Variants in PPP6R3 observed in about 807,000 individuals in gnomAD.
The protein encoded by PPP6R3 is protein phosphatase 6 regulatory subunit 3.
In PPP6R3, 38 loss-of-function variants were observed where a neutral mutation model predicts 110.7. The ratio of observed to expected loss-of-function variants is 0.34; its 90% CI spans 0.26 to 0.45. The LOEUF is 0.45. PPP6R3 is among the 20% of genes least tolerant of loss of function. The probability of loss-of-function intolerance (pLI) is 1.00; values close to 1 mark genes in which losing one functional copy is unlikely to be tolerated. For missense variants in PPP6R3, 870 were observed against 1,062.4 expected (o/e 0.82, Z 2.52); for synonymous variants, 369 against 373.5 (o/e 0.99, Z 0.14).
intron 1 of PPP6R3, among the ~76,000 whole-genome samples, chr11:68,471,787 T>G (rs937905477): frequency 6.6e-6 from 1 of 152,094 alleles, no homozygotes; most frequent in Non-Finnish European, 1.5e-5. Context: ...TGGAGCCACA[T>G]TCTTGGGAAG....
chr11:68,503,058 CT>C lies in PPP6R3; in HGVS notation c.-157-16442del, dbSNP rs201478183. Reference sequence around the variant, plus strand: ...TCCCAGGTTGAAGTGATTCTCCTGCCTCAGCCTCCCGAGTACCTGGGACTAC... The same window carrying C: ...TCCCAGGTTGAAGTGATTCTCCTGCCCAGCCTCCCGAGTACCTGGGACTAC... On this transcript the variant is annotated intron_variant, in intron 1 of 23. Coordinates refer to ENST00000393800, the MANE Select transcript of PPP6R3 (RefSeq NM_001164161.2). 2.7e-3 allele frequency among the ~76,000 whole-genome samples: 411 copies of C among 152,278 alleles called. 3 individuals carry two copies. Among genetic ancestry groups the C allele is most frequent in the African/African-American group, 9.5e-3 (395 of 41,548 alleles).
chr11:68,524,657 T>A (rs2099186742), intron 2 of PPP6R3, among the ~76,000 whole-genome samples: 1 of 152,216 alleles, frequency 6.6e-6, no homozygotes, highest in South Asian at 2.1e-4. Flanking sequence ...TGTTTTTCAG[T>A]TTTTGTCTGA....
At chr11:68,494,148 T>C (rs1299005527) in intron 1 of PPP6R3, among the ~76,000 whole-genome samples, 9 of 151,638 alleles carry the variant, frequency 5.9e-5, no homozygotes, top group Admixed American at 4.6e-4. Context: ...TAGATTTTTT[T>C]TGTAACACGA....
intron 10 of PPP6R3, among the ~76,000 whole-genome samples, chr11:68,569,115 A>T (rs1420683883): frequency 2.0e-5 from 3 of 152,166 alleles, no homozygotes; most frequent in East Asian, 1.9e-4. Context: ...TATTTGTGTT[A>T]GTTGCTTTGA....
At chr11:68,524,434 G>A (rs569027807) in intron 2 of PPP6R3, among the ~76,000 whole-genome samples, 2 of 152,078 alleles carry the variant, frequency 1.3e-5, no homozygotes, top group Non-Finnish European at 2.9e-5. Context: ...CTGGTGTGAC[G>A]TGATGTGCTC....
At chr11:68,473,617 T>C (rs2098807856) in intron 1 of PPP6R3, among the ~76,000 whole-genome samples, 1 of 152,112 alleles carries the variant, frequency 6.6e-6, no homozygotes, top group African/African-American at 2.4e-5. Context: ...TCGAGGGCAG[T>C]CTTGTGGGAC....
intron 1 of PPP6R3, among the ~76,000 whole-genome samples, chr11:68,513,169 G>A (rs576563473): frequency 6.2e-4 from 94 of 152,128 alleles, no homozygotes; most frequent in Non-Finnish European, 8.8e-4. Flanking sequence ...CGGCATCCCG[G>A]GGGTCTTCAG....
intron 13 of PPP6R3, 145 bp downstream of exon 13, chr11:68,574,369 T>G (rs2099522178): frequency 1.6e-6 from 1 of 628,684 alleles, no homozygotes; most frequent in Admixed American, 2.7e-5. Context: ...ATGAGGTTCT[T>G]GAGAATGTGT....
At chr11:68,464,201 C>T (rs2098729225) in intron 1 of PPP6R3, among the ~76,000 whole-genome samples, 1 of 152,042 alleles carries the variant, frequency 6.6e-6, no homozygotes, top group African/African-American at 2.4e-5. Flanking sequence ...GGTGCCATCT[C>T]GGCTCACTGC....
chr11:68,613,253 T>G lies in PPP6R3; in HGVS notation c.*136T>G, dbSNP rs138664045. On this transcript the variant is annotated 3_prime_UTR_variant, in exon 24 of 24. Transcript: ENST00000393800. ...GGGATCAGGACCAGCAACCTTTATA[T>G]TCTAGATTCTAAGACATTGTACAGA... The G allele has an allele frequency of 2.2e-4, 315 of 1,433,074 alleles. No homozygotes were observed. Among genetic ancestry groups the G allele is most frequent in the Non-Finnish European group, 2.7e-4 (301 of 1,095,868 alleles). 88.8% of individuals were successfully genotyped at this position (1,433,074 alleles called of 1,614,324 possible). A position where few individuals can be genotyped will look rare whatever the true frequency, so the allele number is the denominator to read the frequency against.
At chr11:68,511,133 T>C (rs1294131591) in intron 1 of PPP6R3, among the ~76,000 whole-genome samples, 1 of 151,522 alleles carries the variant, frequency 6.6e-6, no homozygotes, top group Non-Finnish European at 1.5e-5. Context: ...AATGGTGTGA[T>C]CTCAGCTCAC....
chr11:68,606,462 T>C (rs1939969034), intron 22 of PPP6R3, among the ~76,000 whole-genome samples: 1 of 149,050 alleles, frequency 6.7e-6, no homozygotes, highest in Non-Finnish European at 1.5e-5. Context: ...GCCACCATGC[T>C]CAGCAAATTT....
At chr11:68,501,639 C>T (rs1356863256) in intron 1 of PPP6R3, among the ~76,000 whole-genome samples, 1 of 152,196 alleles carries the variant, frequency 6.6e-6, no homozygotes, top group Non-Finnish European at 1.5e-5. Context: ...CAAATTATTT[C>T]TTAAAATGCG....
chr11:68,469,077 T>A (rs1256740405), intron 1 of PPP6R3, among the ~76,000 whole-genome samples: 1 of 151,868 alleles, frequency 6.6e-6, no homozygotes, highest in Non-Finnish European at 1.5e-5. Context: ...GGTTTGCAGA[T>A]TTTTTCTGTA....
chr11:68,600,168 C>A (rs868567883), intron 19 of PPP6R3, among the ~76,000 whole-genome samples, 173 bp from the exon 20 acceptor site: 73 of 152,260 alleles, frequency 4.8e-4, no homozygotes, highest in African/African-American at 1.6e-3. Context: ...AATGTGGGAT[C>A]ATTGTTAGAG....
rs750182805 is a variant in PPP6R3, at chr11:68,551,194, C to G, written c.618+8C>G. 1.9e-6 allele frequency: 3 copies of G among 1,597,776 alleles called. No homozygotes were observed. The highest frequency in any genetic ancestry group is 2.6e-6 in the Non-Finnish European group (3 of 1,168,704). ...CCATCGCAAGAAGAAGATGTAAGTT[C>G]ACTTGTGTGACTGTAAACTTGATTA... is the stretch of plus-strand genomic sequence containing the variant. On this transcript the variant is annotated splice_region_variant and intron_variant, in intron 6 of 23. Coordinates refer to ENST00000393800, the MANE Select transcript of PPP6R3 (RefSeq NM_001164161.2).
At chr11:68,580,005 G>A (rs905378327) in intron 14 of PPP6R3, among the ~76,000 whole-genome samples, 1 of 152,240 alleles carries the variant, frequency 6.6e-6, no homozygotes, top group African/African-American at 2.4e-5. Context: ...GATGGTAAGT[G>A]CTAAGGAGCC....
At chr11:68,543,653 T>G (rs539375250) in intron 3 of PPP6R3, among the ~76,000 whole-genome samples, 1 of 152,352 alleles carries the variant, frequency 6.6e-6, no homozygotes, top group East Asian at 1.9e-4. Context: ...GCAGCCACGT[T>G]TGGCTATTTT....
At chr11:68,473,224 T>A (rs1489704537) in intron 1 of PPP6R3, among the ~76,000 whole-genome samples, 30 of 152,110 alleles carry the variant, frequency 2.0e-4, no homozygotes, top group Non-Finnish European at 2.5e-4. Flanking sequence ...CAGCCTTCAG[T>A]GAGAGGAGAT....
Sources: allele counts gnomAD v4.1 joint callset (sites outside exome capture counted in the v4.1 genomes callset), GRCh38; gene constraint gnomAD v4.1.1; transcripts MANE v1.5; gene names NCBI Gene and HGNC (gene_info 2026-07-23, HGNC 2026-07-21).